The following LATS1 variants were observed in gnomAD, a reference collection of about 807,000 sequenced individuals.
The protein encoded by LATS1 is serine/threonine-protein kinase LATS1.
In LATS1, 25 loss-of-function variants were observed where a neutral mutation model predicts 106.6. That is an observed-to-expected ratio of 0.23 (90% CI 0.17 to 0.33). The LOEUF (loss-of-function observed/expected upper bound fraction) is 0.33. LATS1 is among the 10% of genes least tolerant of loss of function. The pLI, the probability that LATS1 is intolerant of heterozygous loss-of-function variation, is 1.00. For missense variants in LATS1, 1,040 were observed against 1,382.6 expected, an observed-to-expected ratio of 0.75 and a Z score of 3.93; for synonymous variants, 465 against 455.6, an observed-to-expected ratio of 1.02 and a Z score of -0.26.
chr6:149,690,038 G>A (rs1472749686), intron 3 of LATS1, among the ~76,000 whole-genome samples: 1 of 151,458 alleles, frequency 6.6e-6, no homozygotes, highest in African/African-American at 2.4e-5. Context: ...GTGTTATCTG[G>A]TGCTGGTCCA....
At chr6:149,711,970 GAC>G (rs1302130065) in intron 1 of LATS1, among the ~76,000 whole-genome samples, 1 of 152,110 alleles carries the variant, frequency 6.6e-6, no homozygotes, top group Non-Finnish European at 1.5e-5. Flanking sequence ...CACAGTGAGT[GAC>G]AGAGAGAGAG....
intron 3 of LATS1, among the ~76,000 whole-genome samples, chr6:149,687,743 ACT>A (rs1242486904): frequency 6.6e-6 from 1 of 151,546 alleles, no homozygotes; most frequent in African/African-American, 2.4e-5. Context: ...TATTTTTAAA[ACT>A]TTTTGTAGAG....
At chr6:149,708,811 T>C (rs1309819228) in intron 1 of LATS1, among the ~76,000 whole-genome samples, 1 of 152,158 alleles carries the variant, frequency 6.6e-6, no homozygotes, top group African/African-American at 2.4e-5. Flanking sequence ...CCATTGATAT[T>C]TGGGGATTTG....
chr6:149,698,062 G>C (rs1783200265), intron 2 of LATS1, among the ~76,000 whole-genome samples: 1 of 152,066 alleles, frequency 6.6e-6, no homozygotes. Context: ...AAATGCACTA[G>C]AATTTCAGCC....
rs1295040914 is a variant in LATS1 at position 149,683,776 on chromosome 6, G to A, written c.1313C>T (p.Ser438Phe). The change falls in exon 4 of 8, where the codon TCT becomes TTT. Residue 438 changes from serine to phenylalanine, a missense_variant. This residue lies in a region of LATS1 where 624 missense variants were observed against 714.8 expected (regional missense o/e 0.87). Transcript: ENST00000543571. ...GLQTNWPQSS[S>F]APAQSSPSSG... ...GCTCGGGGATGACTGGGCTGGAGCA[G>A]AAGATGACTGAGGCCAATTTGTTTG... 1 of 1,613,770 alleles carries A rather than the reference G, an allele frequency of 6.2e-7. No homozygotes were observed.
intron 3 of LATS1, among the ~76,000 whole-genome samples, chr6:149,686,304 A>G (rs1189750970): frequency 1.3e-5 from 2 of 152,168 alleles, no homozygotes; most frequent in African/African-American, 4.8e-5. Context: ...ATCATTCCGG[A>G]TAAACTGGAC....
intron 3 of LATS1, among the ~76,000 whole-genome samples, chr6:149,693,448 A>G (rs561785067): frequency 6.6e-6 from 1 of 151,680 alleles, no homozygotes; most frequent in South Asian, 2.1e-4. Flanking sequence ...CATCTCTACT[A>G]AAAATACAAA....
chr6:149,693,057 G>A (rs750724304), intron 3 of LATS1, among the ~76,000 whole-genome samples: 22 of 151,800 alleles, frequency 1.4e-4, no homozygotes, highest in Non-Finnish European at 2.1e-4. Context: ...AAGGTCAGGA[G>A]TTCGAGACCA....
intron 1 of LATS1, among the ~76,000 whole-genome samples, chr6:149,709,111 A>C (rs901613356): frequency 5.9e-5 from 9 of 152,192 alleles, no homozygotes; most frequent in Non-Finnish European, 1.0e-4. Flanking sequence ...CATCTGAATG[A>C]ACCCCTCCTC....
At chr6:149,705,139 T>C (rs1227827111) in intron 1 of LATS1, among the ~76,000 whole-genome samples, 2 of 152,062 alleles carry the variant, frequency 1.3e-5, no homozygotes, top group Admixed American at 6.6e-5. Flanking sequence ...ACATATTCTA[T>C]CTATAACATA....
At chr6:149,685,965 GA>G (rs986091258) in intron 3 of LATS1, among the ~76,000 whole-genome samples, 428 of 152,044 alleles carry the variant, frequency 2.8e-3, no homozygotes, top group Middle Eastern at 0.01. Context: ...GTAAGCACTA[GA>G]AAAAAACAAA....
intron 3 of LATS1, among the ~76,000 whole-genome samples, chr6:149,690,433 G>A (rs368720582): frequency 3.4e-4 from 51 of 151,688 alleles, no homozygotes; most frequent in African/African-American, 8.9e-4. Flanking sequence ...GGCTGGTCTC[G>A]AACTCCCAAC....
intron 3 of LATS1, among the ~76,000 whole-genome samples, chr6:149,693,515 C>T (rs956657886): frequency 3.1e-4 from 47 of 150,310 alleles, no homozygotes; most frequent in Admixed American, 1.1e-3. Context: ...CAGGCTGTGG[C>T]AGGAGAATCA....
At chr6:149,693,742 C>T (rs1047319896) in intron 3 of LATS1, among the ~76,000 whole-genome samples, 1 of 151,924 alleles carries the variant, frequency 6.6e-6, no homozygotes, top group African/African-American at 2.4e-5. Context: ...AATAATAATA[C>T]CGAGGCTTTA....
At chr6:149,705,392 C>T (rs1017246690) in intron 1 of LATS1, among the ~76,000 whole-genome samples, 5 of 152,108 alleles carry the variant, frequency 3.3e-5, no homozygotes, top group Non-Finnish European at 5.9e-5. Flanking sequence ...TCTTCTGAAA[C>T]CTACCATTTC....
chr6:149,681,790 G>A (rs1369188462), intron 4 of LATS1, among the ~76,000 whole-genome samples: 1 of 152,098 alleles, frequency 6.6e-6, no homozygotes. Flanking sequence ...GTAAGATTAG[G>A]AGTCAAATCT....
At chr6:149,665,311 A>G (rs1250614101) in intron 7 of LATS1, among the ~76,000 whole-genome samples, 4 of 152,146 alleles carry the variant, frequency 2.6e-5, no homozygotes, top group Non-Finnish European at 2.9e-5. Flanking sequence ...GCAGTGAGCC[A>G]AGATTGTGCC....
rs73779546 is a variant in LATS1, at chr6:149,699,567, T to C, written c.348+2212A>G. ...TGTCTAAATACTTTCAATAAAGCAA[T>C]CTTGTGACAATTTGAAATGTGTAAT... On this transcript the variant is annotated intron_variant, in intron 2 of 7. Transcript: ENST00000543571. Among the ~76,000 whole-genome samples the C allele has an allele frequency of 8.3e-3, 1,264 of 152,252 alleles. 19 individuals are homozygous for C. The highest frequency in any genetic ancestry group is 0.029 in the African/African-American group (1,216 of 41,546).
At chr6:149,685,906 A>G (rs2114839585) in intron 3 of LATS1, among the ~76,000 whole-genome samples, 1 of 152,318 alleles carries the variant, frequency 6.6e-6, no homozygotes, top group African/African-American at 2.4e-5. Context: ...GACAATACAT[A>G]TATACATTCT....
Sources: gnomAD v4.1 joint callset for allele counts (sites outside exome capture counted in the v4.1 genomes callset) on GRCh38, gnomAD v4.1.1 for gene constraint, gnomAD v4.1.1 regional missense constraint, MANE v1.5 for transcripts, NCBI Gene and HGNC (gene_info 2026-07-23, HGNC 2026-07-21) for gene names.